The following TBCK variants were observed in gnomAD, a reference collection of about 807,000 sequenced individuals.
The protein encoded by TBCK is TBC1 domain containing kinase, also known as TBC domain-containing protein kinase-like protein.
In TBCK, 99 loss-of-function variants were observed where a neutral mutation model predicts 113.4. The observed-to-expected ratio is 0.87, with a 90% confidence interval of 0.74 to 1.03. The LOEUF (loss-of-function observed/expected upper bound fraction) is 1.03. Among genes scored for constraint, TBCK ranks in the 50% least tolerant of loss-of-function variants. The pLI is 0.00. For missense variants in TBCK, 1,045 were observed against 1,061.3 expected (o/e 0.98, Z 0.21); for synonymous variants, 369 against 370.8 (o/e 1.00, Z 0.05).
Position 106,212,850 on chromosome 4 carries a change from T to C in TBCK, c.1775-15A>G, listed in dbSNP as rs1756323689. On this transcript the variant is annotated splice_polypyrimidine_tract_variant and intron_variant, in intron 19 of 25. Coordinates refer to ENST00000394708, the MANE Select transcript of TBCK (RefSeq NM_001163435.3). ...AGTCAGATACTCTGAAATTACAAAG[T>C]TTGAGACAATCATCATTTTTACACA... 3 of 1,556,760 alleles carry C rather than the reference T, an allele frequency of 1.9e-6. No homozygotes were observed. The highest frequency in any genetic ancestry group is 4.5e-5 in the East Asian group (2 of 44,366).
intron 12 of TBCK, among the ~76,000 whole-genome samples, chr4:106,240,951 C>T (rs559098540): frequency 6.6e-6 from 1 of 151,976 alleles, no homozygotes; most frequent in Non-Finnish European, 1.5e-5. Context: ...CAGTCTCTAT[C>T]GCAACTACTC....
At chr4:106,304,461 A>G (rs1056289762) in intron 2 of TBCK, among the ~76,000 whole-genome samples, 5 of 152,208 alleles carry the variant, frequency 3.3e-5, no homozygotes, top group African/African-American at 1.2e-4. Flanking sequence ...AAAGCTTTAA[A>G]TTGATATTTT....
At chr4:106,164,201 A>G (rs2149715029) in intron 23 of TBCK, among the ~76,000 whole-genome samples, 1 of 152,214 alleles carries the variant, frequency 6.6e-6, no homozygotes, top group Admixed American at 6.5e-5. Context: ...TTGCCTACAG[A>G]ACATTAGATA....
At chr4:106,071,089 C>T (rs1475166906) in intron 25 of TBCK, among the ~76,000 whole-genome samples, 1 of 152,118 alleles carries the variant, frequency 6.6e-6, no homozygotes, top group African/African-American at 2.4e-5. Context: ...TTTTGTTTCT[C>T]TATCTCCTTC....
chr4:106,231,158 G>A (rs1758815642), intron 18 of TBCK, among the ~76,000 whole-genome samples: 1 of 151,572 alleles, frequency 6.6e-6, no homozygotes, highest in Non-Finnish European at 1.5e-5. Flanking sequence ...TTCAGGGATT[G>A]GAGTTAATCG....
intron 10 of TBCK, among the ~76,000 whole-genome samples, chr4:106,245,821 A>G (rs1760730389): frequency 6.6e-6 from 1 of 152,122 alleles, no homozygotes; most frequent in African/African-American, 2.4e-5. Flanking sequence ...ATGCTGCAGT[A>G]CCTTTCTTGA....
intron 25 of TBCK, among the ~76,000 whole-genome samples, chr4:106,074,659 G>T (rs535196952): frequency 6.6e-6 from 1 of 152,286 alleles, no homozygotes; most frequent in Admixed American, 6.5e-5. Flanking sequence ...GTACAAATTA[G>T]CCCTAAGAAT....
At chr4:106,128,131 A>G (rs1294431837) in intron 23 of TBCK, among the ~76,000 whole-genome samples, 1 of 152,246 alleles carries the variant, frequency 6.6e-6, no homozygotes, top group Non-Finnish European at 1.5e-5. Flanking sequence ...CAATATTAGG[A>G]AAATTTTAAA....
At chr4:106,314,917 G>A (rs1167353830) in intron 1 of TBCK, among the ~76,000 whole-genome samples, 2 of 151,956 alleles carry the variant, frequency 1.3e-5, no homozygotes, top group African/African-American at 4.8e-5. Flanking sequence ...GAGCCACCGC[G>A]CCCGACCATT....
intron 23 of TBCK, among the ~76,000 whole-genome samples, chr4:106,170,623 T>C (rs1750874430): frequency 6.6e-6 from 1 of 152,112 alleles, no homozygotes; most frequent in Non-Finnish European, 1.5e-5. Context: ...ATTCGAAATG[T>C]ATGAATTATT....
chr4:106,229,886 C>G (rs536566329), intron 19 of TBCK, among the ~76,000 whole-genome samples: 1 of 151,810 alleles, frequency 6.6e-6, no homozygotes, highest in East Asian at 1.9e-4. Flanking sequence ...ACAGGTTACG[C>G]TATGACATGA....
intron 23 of TBCK, among the ~76,000 whole-genome samples, chr4:106,167,133 G>T (rs28566487): frequency 0.43 from 56,385 of 131,708 alleles, 11,057 homozygotes; most frequent in Middle Eastern, 0.51. Flanking sequence ...TATATATATA[G>T]AGAGAGAGAG....
chr4:106,160,588 A>G (rs1023121409), intron 23 of TBCK, among the ~76,000 whole-genome samples: 5 of 151,308 alleles, frequency 3.3e-5, no homozygotes, highest in African/African-American at 1.2e-4. Context: ...AAAAAGAAGA[A>G]AAAAAGAAAA....
intron 25 of TBCK, among the ~76,000 whole-genome samples, chr4:106,087,081 A>G (rs1739598373): frequency 6.6e-6 from 1 of 152,208 alleles, no homozygotes; most frequent in Non-Finnish European, 1.5e-5. Flanking sequence ...AGTTCTGGCC[A>G]GGGAAATCAG....
At chr4:106,144,072 C>T (rs1472749647) in intron 23 of TBCK, among the ~76,000 whole-genome samples, 1 of 152,128 alleles carries the variant, frequency 6.6e-6, no homozygotes, top group Non-Finnish European at 1.5e-5. Context: ...CTGTGTTACA[C>T]TTACTTATTT....
intron 25 of TBCK, among the ~76,000 whole-genome samples, chr4:106,092,547 C>A (rs532040882): frequency 2.6e-5 from 4 of 152,180 alleles, no homozygotes; most frequent in African/African-American, 7.2e-5. Flanking sequence ...CCCTGCCCTG[C>A]GGGCAGGCAG....
At chr4:106,167,678 G>T (rs1750551032) in intron 23 of TBCK, among the ~76,000 whole-genome samples, 1 of 151,564 alleles carries the variant, frequency 6.6e-6, no homozygotes. Flanking sequence ...AAATGAAAGA[G>T]ATCTCAGTAC....
chr4:106,264,028 C>T (rs1270877856), intron 3 of TBCK, among the ~76,000 whole-genome samples: 1 of 151,916 alleles, frequency 6.6e-6, no homozygotes, highest in Non-Finnish European at 1.5e-5. Context: ...TGGTGGTAGA[C>T]TTTTACTTAA....
At chr4:106,247,521 AT>A in intron 9 of TBCK, 1 of 375,166 alleles carries the variant, frequency 2.7e-6, no homozygotes, top group South Asian at 3.9e-5. Flanking sequence ...TGTATCAAAA[AT>A]ATCATTCCAT....
Sources: gnomAD v4.1 joint callset for allele counts (sites outside exome capture counted in the v4.1 genomes callset) on GRCh38, gnomAD v4.1.1 for gene constraint, MANE v1.5 for transcripts, NCBI Gene and HGNC (gene_info 2026-07-23, HGNC 2026-07-21) for gene names.